The following FAM168B variants were observed in gnomAD, a reference collection of about 807,000 sequenced individuals.
The protein encoded by FAM168B is myelin-associated neurite-outgrowth inhibitor.
A neutral mutation model predicts 21.8 loss-of-function variants in FAM168B; 19 were observed. The ratio of observed to expected loss-of-function variants is 0.87; its 90% CI spans 0.61 to 1.28. FAM168B has a LOEUF of 1.28. FAM168B is among the 50% of genes most tolerant of loss of function. The probability of loss-of-function intolerance (pLI) is 0.00; values close to 1 mark genes in which losing one functional copy is unlikely to be tolerated. For synonymous variants in FAM168B, 126 were observed against 104.8 expected (o/e 1.20, Z -1.24); for missense variants, 233 against 263.1 (o/e 0.89, Z 0.79).
At chr2:131,087,110 T>G (rs1693746773) in intron 1 of FAM168B, among the ~76,000 whole-genome samples, 1 of 146,928 alleles carries the variant, frequency 6.8e-6, no homozygotes, top group Non-Finnish European at 1.5e-5. Context: ...TAAAGTGTTC[T>G]GAGGGCTGAG....
chr2:131,085,534 A>C (rs762427001), intron 1 of FAM168B, among the ~76,000 whole-genome samples: 1 of 152,246 alleles, frequency 6.6e-6, no homozygotes, highest in Non-Finnish European at 1.5e-5. Context: ...AAATACAAAA[A>C]GAAACCACTT....
At chr2:131,085,991 T>C (rs1330498469) in intron 1 of FAM168B, among the ~76,000 whole-genome samples, 1 of 152,144 alleles carries the variant, frequency 6.6e-6, no homozygotes, top group African/African-American at 2.4e-5. Context: ...TACTGGACAG[T>C]GCAGGCCTAC....
intron 3 of FAM168B, among the ~76,000 whole-genome samples, chr2:131,056,269 T>C (rs528704273): frequency 1.3e-5 from 2 of 152,088 alleles, no homozygotes; most frequent in South Asian, 2.1e-4. Context: ...CTTGCTTTTG[T>C]CCCCACACAA....
chr2:131,048,004 T>C lies in FAM168B; in HGVS notation c.*4461A>G, dbSNP rs181902942. On this transcript the variant is annotated 3_prime_UTR_variant, in exon 7 of 7. Transcript: ENST00000389915. ...CAGATTGCATAAAAAATTAAAATAG[T>C]ATCAATTGACACCTAACTGAACTGG... 1,644 of 294,414 alleles carry C rather than the reference T, an allele frequency of 5.6e-3. 10 individuals carry two copies. Among genetic ancestry groups the C allele is most frequent in the Non-Finnish European group, 8.3e-3 (1,289 of 155,984 alleles). 18.2% of individuals were successfully genotyped at this position (294,414 alleles called of 1,614,324 possible).
chr2:131,082,924 A>G (rs1338431669), intron 1 of FAM168B, among the ~76,000 whole-genome samples: 1 of 152,150 alleles, frequency 6.6e-6, no homozygotes, highest in African/African-American at 2.4e-5. Flanking sequence ...TATGTCCACT[A>G]AAAGCAAGGG....
chr2:131,053,067 C>T (rs1194524979), intron 5 of FAM168B, 52 bp from the exon 6 acceptor site: 5 of 1,504,792 alleles, frequency 3.3e-6, no homozygotes, highest in African/African-American at 1.4e-5. Flanking sequence ...CACAGCTCCA[C>T]ACTGCCTGAT....
intron 2 of FAM168B, among the ~76,000 whole-genome samples, chr2:131,079,585 C>G (rs996033557): frequency 6.6e-6 from 1 of 152,204 alleles, no homozygotes; most frequent in Non-Finnish European, 1.5e-5. Context: ...CCACCAGAAA[C>G]TAGAAGATGC....
At chr2:131,055,815 C>A in intron 3 of FAM168B, 120 bp from the exon 4 acceptor site, 2 of 1,196,306 alleles carry the variant, frequency 1.7e-6, no homozygotes, top group Admixed American at 2.4e-5. Context: ...GACCTGCTGC[C>A]ACTGCCGCCC....
intron 2 of FAM168B, among the ~76,000 whole-genome samples, chr2:131,073,758 C>A (rs1038466241): frequency 4.6e-5 from 7 of 152,172 alleles, no homozygotes; most frequent in Non-Finnish European, 1.0e-4. Context: ...AATTAAGACA[C>A]CAGTCATAAA....
In FAM168B at chr2:131,075,627, T is replaced by C. The variant is rs186623862; in HGVS notation, c.71-3689A>G. 5.6e-3 allele frequency among the ~76,000 whole-genome samples: 849 copies of C among 152,158 alleles called. 5 individuals carry two copies. Among genetic ancestry groups the C allele is most frequent in the African/African-American group, 0.019 (779 of 41,528 alleles). On this transcript the variant is annotated intron_variant, in intron 2 of 6. Coordinates refer to ENST00000389915, the MANE Select transcript of FAM168B (RefSeq NM_001009993.4). ...CTCCTACCTCAGCCTCCTGAGTGGC[T>C]AGGACTACAGGGGCCCGTGCCCGGC...
Position 131,052,939 on chromosome 2 carries a change from T to C in FAM168B, c.552A>G (p.Gly184=), listed in dbSNP as rs1275775580. The change falls in exon 6 of 7, where the codon GGA becomes GGG. Residue 184 remains glycine (G), a synonymous_variant. Transcript: ENST00000389915. ...PVTVPTYRAP[G]TPTYSYVPPQ... is the part of the protein sequence containing the mutation. The stretch of plus-strand genomic sequence containing the variant: ...GGGGCACATAGCTGTAAGTGGGCGT[T>C]CCTGGGGCCCGGTACGTGGGCACAG... The C allele has an allele frequency of 7.0e-6, 11 of 1,563,904 alleles. No homozygotes were observed. The African/African-American group carries it at 1.1e-4, about 15-fold the overall frequency.
At chr2:131,055,236 C>T (rs767284958) in intron 5 of FAM168B, 36 bp downstream of exon 5, 10 of 1,455,318 alleles carry the variant, frequency 6.9e-6, no homozygotes, top group Non-Finnish European at 9.0e-6. Flanking sequence ...CTCTAGGGTA[C>T]ACCATAGGAC....
In FAM168B at chr2:131,062,335, T is replaced by C. The variant is rs138721704; in HGVS notation, c.155-6640A>G. On this transcript the variant is annotated intron_variant, in intron 3 of 6. Coordinates refer to ENST00000389915, the MANE Select transcript of FAM168B (RefSeq NM_001009993.4). ...TTTTTCATGCCTCATTTCCTTAGGA[T>C]ACACAGTCGAGGGGCCCACCTACGA... is the stretch of plus-strand genomic sequence containing the variant. 3.3e-3 allele frequency among the ~76,000 whole-genome samples: 506 copies of C among 152,348 alleles called. 5 individuals are homozygous for C. Among genetic ancestry groups the C allele is most frequent in the Non-Finnish European group, 2.2e-3 (151 of 68,040 alleles).
chr2:131,061,010 CCTGG>C (rs1692264694), intron 3 of FAM168B, among the ~76,000 whole-genome samples: 1 of 151,420 alleles, frequency 6.6e-6, no homozygotes, highest in African/African-American at 2.4e-5. Flanking sequence ...CACCACCAAG[CCTGG>C]CTAATTTTTT....
intron 3 of FAM168B, among the ~76,000 whole-genome samples, chr2:131,068,408 C>G (rs181550849): frequency 5.2e-4 from 79 of 152,278 alleles, no homozygotes; most frequent in African/African-American, 1.8e-3. Flanking sequence ...ATCTGCCCAC[C>G]TTGGCAACCC....
At position 131,077,212 on chromosome 2, in the gene FAM168B, TAAAAAAAAAA is replaced by T. The variant is rs34175924; in HGVS notation, c.71-5284_71-5275del. ...GGAGTGTATGTAACGCTATTACATT[TAAAAAAAAAA>T]AAAAAAAAAAGAACAAGGCAAACTT... On this transcript the variant is annotated intron_variant, in intron 2 of 6. Coordinates refer to ENST00000389915, the MANE Select transcript of FAM168B (RefSeq NM_001009993.4). Among the ~76,000 whole-genome samples, 196 of 130,272 alleles carry T rather than the reference TAAAAAAAAAA, an allele frequency of 1.5e-3. 2 individuals are homozygous for T. The highest frequency in any genetic ancestry group is 5.2e-3 in the African/African-American group (188 of 36,042). 85.5% of individuals were successfully genotyped at this position (130,272 alleles called of 152,430 possible).
At chr2:131,080,913 G>A (rs1241440030) in intron 2 of FAM168B, among the ~76,000 whole-genome samples, 1 of 151,806 alleles carries the variant, frequency 6.6e-6, no homozygotes, top group Non-Finnish European at 1.5e-5. Context: ...CTCATGATCT[G>A]CCTGCCTCGG....
rs906445818 is a variant in FAM168B at position 131,076,461 on chromosome 2, A to C, written c.71-4523T>G. 1.1e-4 allele frequency among the ~76,000 whole-genome samples: 17 copies of C among 152,140 alleles called. No individual in the cohort carries two copies. In the East Asian group the frequency reaches 2.9e-3, roughly 26 times the overall value. The stretch of plus-strand genomic sequence containing the variant: ...TGGATCACGAGGTCAGGAGATTGAG[A>C]CCACGATGAAACCCCATCTCTAATA... On this transcript the variant is annotated intron_variant, in intron 2 of 6. Transcript: ENST00000389915.
chr2:131,082,781 T>C, intron 1 of FAM168B, 124 bp from the exon 2 acceptor site: 3 of 608,178 alleles, frequency 4.9e-6, no homozygotes, highest in Non-Finnish European at 8.7e-6. Context: ...ATGCATTTCA[T>C]GCTGCCCCCA....
Sources: allele counts gnomAD v4.1 joint callset (sites outside exome capture counted in the v4.1 genomes callset), GRCh38; gene constraint gnomAD v4.1.1; transcripts MANE v1.5; gene names NCBI Gene and HGNC (gene_info 2026-07-23, HGNC 2026-07-21).